The following SCUBE1 variants were observed in gnomAD, a reference collection of about 807,000 sequenced individuals.
The protein encoded by SCUBE1 is signal peptide, CUB and EGF-like domain-containing protein 1.
Under a neutral mutation model 124.4 loss-of-function variants are expected in SCUBE1, and 59 were observed. The observed-to-expected ratio is 0.47, with a 90% CI of 0.38 to 0.59. SCUBE1 has a LOEUF of 0.59. SCUBE1 is among the 20% of genes least tolerant of loss of function. The probability of loss-of-function intolerance (pLI) is 0.00; values close to 1 mark genes in which losing one functional copy is unlikely to be tolerated. For missense variants in SCUBE1, 1,150 were observed against 1,371.2 expected, an observed-to-expected ratio of 0.84 and a Z score of 2.55; for synonymous variants, 545 against 550.9, an observed-to-expected ratio of 0.99 and a Z score of 0.15.
intron 4 of SCUBE1, among the ~76,000 whole-genome samples, chr22:43,271,743 C>G (rs1924300669): frequency 6.6e-6 from 1 of 152,178 alleles, no homozygotes; most frequent in Non-Finnish European, 1.5e-5. Context: ...CCCAGCCACC[C>G]CCAGGCAGCA....
intron 6 of SCUBE1, among the ~76,000 whole-genome samples, chr22:43,245,932 G>A (rs1421784725): frequency 6.6e-6 from 1 of 152,204 alleles, no homozygotes; most frequent in Non-Finnish European, 1.5e-5. Context: ...GGGCGGGTGG[G>A]TGTTCCCGCA....
intron 8 of SCUBE1, among the ~76,000 whole-genome samples, chr22:43,230,810 C>T (rs73163962): frequency 1.3e-5 from 2 of 152,276 alleles, no homozygotes; most frequent in Non-Finnish European, 2.9e-5. Context: ...CCTGCTTTTA[C>T]ATTCCTCAGG....
At chr22:43,226,645 G>A (rs1050684631) in intron 10 of SCUBE1, among the ~76,000 whole-genome samples, 22 of 144,374 alleles carry the variant, frequency 1.5e-4, no homozygotes, top group Non-Finnish European at 3.0e-4. Flanking sequence ...GGGTGGGGGC[G>A]GGGTTCTGAG....
At chr22:43,253,997 C>T (rs1923561527) in intron 6 of SCUBE1, among the ~76,000 whole-genome samples, 2 of 152,232 alleles carry the variant, frequency 1.3e-5, no homozygotes, top group African/African-American at 4.8e-5. Context: ...ATAGCACTGA[C>T]TCATGCCTGC....
At chr22:43,287,629 C>T (rs1317565870) in intron 4 of SCUBE1, among the ~76,000 whole-genome samples, 1 of 152,252 alleles carries the variant, frequency 6.6e-6, no homozygotes, top group Non-Finnish European at 1.5e-5. Flanking sequence ...CAAAACCAGC[C>T]TGTGTGCTTT....
rs187725794 is a variant in SCUBE1, at chr22:43,202,283, C to T, written c.*1714G>A. Reference sequence around the variant, plus strand: ...CATCTGTGTGGTCCTCAGTGTGCCACAGCCTCTCAAACCGTGTTTGTTTCT... The same window carrying T: ...CATCTGTGTGGTCCTCAGTGTGCCATAGCCTCTCAAACCGTGTTTGTTTCT... On this transcript the variant is annotated 3_prime_UTR_variant, in exon 22 of 22. Transcript: ENST00000360835. 2 of 152,372 alleles carry T rather than the reference C, an allele frequency of 1.3e-5. No homozygotes were observed. The highest frequency in any genetic ancestry group is 6.5e-5 in the Admixed American group (1 of 15,304). 9.4% of individuals were successfully genotyped at this position (152,372 alleles called of 1,614,324 possible).
intron 4 of SCUBE1, among the ~76,000 whole-genome samples, chr22:43,280,624 C>T (rs1413217064): frequency 6.6e-6 from 1 of 150,764 alleles, no homozygotes; most frequent in African/African-American, 2.4e-5. Context: ...ACGCTGTCAC[C>T]TCCTCTCTCA....
intron 3 of SCUBE1, among the ~76,000 whole-genome samples, chr22:43,298,770 C>T (rs1925657069): frequency 6.6e-6 from 1 of 150,948 alleles, no homozygotes; most frequent in Non-Finnish European, 1.5e-5. Flanking sequence ...TTCAGTGAGT[C>T]GACTGGGCTT....
intron 5 of SCUBE1, among the ~76,000 whole-genome samples, chr22:43,260,951 G>T (rs528762590): frequency 3.9e-5 from 6 of 152,340 alleles, no homozygotes; most frequent in East Asian, 1.9e-4. Context: ...GTACTATGGG[G>T]TCAGGGAGCA....
rs1402144169 is a variant in SCUBE1, at chr22:43,199,082, T to TGTCTGTCTGCTGTCTGGGGCA, written c.*4914_*4915insTGCCCCAGACAGCAGACAGAC. On this transcript the variant is annotated 3_prime_UTR_variant, in exon 22 of 22. Transcript: ENST00000360835. ...TGTCTGTCTGCTGTCCGGGGCAGTTTGTTTGTCTGTCTGCTGTCTGGGGCA... is the reference window on the plus strand; with the variant it reads ...TGTCTGTCTGCTGTCCGGGGCAGTTTGTCTGTCTGCTGTCTGGGGCAGTTTGTCTGTCTGCTGTCTGGGGCA... 25 of 325,366 alleles carry TGTCTGTCTGCTGTCTGGGGCA rather than the reference T, an allele frequency of 7.7e-5. No individual in the cohort carries two copies. The highest frequency in any genetic ancestry group is 9.2e-5 in the South Asian group (4 of 43,244). 20.2% of individuals were successfully genotyped at this position (325,366 alleles called of 1,614,324 possible). A position where few individuals can be genotyped will look rare whatever the true frequency, so the allele number is the denominator to read the frequency against.
intron 1 of SCUBE1, among the ~76,000 whole-genome samples, chr22:43,341,490 G>A (rs1408718735): frequency 6.6e-6 from 1 of 152,224 alleles, no homozygotes; most frequent in Non-Finnish European, 1.5e-5. Flanking sequence ...TAGGAATGAG[G>A]GGTGGGAGCC....
At chr22:43,207,795 C>T (rs903004198) in intron 20 of SCUBE1, among the ~76,000 whole-genome samples, 182 bp from the exon 21 acceptor site, 2 of 152,198 alleles carry the variant, frequency 1.3e-5, no homozygotes, top group East Asian at 1.9e-4. Flanking sequence ...TTGTCCTCCT[C>T]GGGGTTTCAC....
chr22:43,321,161 G>A (rs1926538361), intron 2 of SCUBE1, among the ~76,000 whole-genome samples: 1 of 152,256 alleles, frequency 6.6e-6, no homozygotes, highest in East Asian at 1.9e-4. Context: ...CGAGACGACG[G>A]AGTAGGAAGC....
At chr22:43,302,766 A>C (rs1925821800) in intron 3 of SCUBE1, among the ~76,000 whole-genome samples, 1 of 152,234 alleles carries the variant, frequency 6.6e-6, no homozygotes, top group Admixed American at 6.5e-5. Flanking sequence ...GGGGATAAGA[A>C]TGGAGGACTG....
intron 4 of SCUBE1, among the ~76,000 whole-genome samples, chr22:43,279,573 G>A (rs1367792825): frequency 6.6e-6 from 1 of 152,234 alleles, no homozygotes; most frequent in Non-Finnish European, 1.5e-5. Context: ...ACTGTGAAAA[G>A]TAAATTTCTA....
At chr22:43,310,175 A>G (rs534150357) in intron 3 of SCUBE1, among the ~76,000 whole-genome samples, 1 of 151,818 alleles carries the variant, frequency 6.6e-6, no homozygotes, top group Admixed American at 6.6e-5. Flanking sequence ...CTGATCCTCC[A>G]GGCATCCTGG....
rs1320319311 is a variant in SCUBE1 at position 43,203,213 on chromosome 22, C to T, written c.*784G>A. The T allele has an allele frequency of 6.6e-6, 1 of 152,124 alleles. No individual in the cohort carries two copies. Among genetic ancestry groups the T allele is most frequent in the Non-Finnish European group, 1.5e-5 (1 of 68,036 alleles). 9.4% of individuals were successfully genotyped at this position (152,124 alleles called of 1,614,324 possible). A position where few individuals can be genotyped will look rare whatever the true frequency, so the allele number is the denominator to read the frequency against. ...TGCCGGCCTCACAGAAACAGAAGGG[C>T]AAATGCAAATGCTGGGAGGAGCTGT... On this transcript the variant is annotated 3_prime_UTR_variant, in exon 22 of 22. Coordinates refer to ENST00000360835, the MANE Select transcript of SCUBE1 (RefSeq NM_173050.5).
intron 21 of SCUBE1, among the ~76,000 whole-genome samples, chr22:43,204,666 C>T (rs896473139): frequency 6.6e-6 from 1 of 151,818 alleles, no homozygotes; most frequent in African/African-American, 2.4e-5. Flanking sequence ...TATTAAAGGC[C>T]AAGTGTGGTG....
intron 4 of SCUBE1, 68 bp from the exon 5 acceptor site, chr22:43,262,913 T>G (rs1337457570): frequency 1.3e-6 from 2 of 1,549,212 alleles, no homozygotes; most frequent in Non-Finnish European, 1.8e-6. Flanking sequence ...AATTTCAGGC[T>G]GAAAGGGGAT....
Sources: allele counts gnomAD v4.1 joint callset (sites outside exome capture counted in the v4.1 genomes callset), GRCh38; gene constraint gnomAD v4.1.1; transcripts MANE v1.5; gene names NCBI Gene and HGNC (gene_info 2026-07-23, HGNC 2026-07-21).